The following CACNG8 variants were observed in gnomAD, a reference collection of about 807,000 sequenced individuals.
CACNG8 encodes calcium voltage-gated channel auxiliary subunit gamma 8.
A neutral mutation model predicts 26.9 loss-of-function variants in CACNG8; 5 were observed. The ratio of observed to expected loss-of-function variants is 0.19; its 90% CI spans 0.10 to 0.39. The LOEUF is 0.39. Among genes scored for constraint, CACNG8 ranks in the 10% least tolerant of loss-of-function variants. The pLI is 1.00. For synonymous variants in CACNG8, 321 were observed against 296.7 expected (o/e 1.08, Z -0.84); for missense variants, 473 against 609.4 (o/e 0.78, Z 2.36).
rs2069342039 is a variant in CACNG8, at chr19:53,978,278, C to T, written c.367+49C>T. 2.0e-6 allele frequency: 3 copies of T among 1,493,986 alleles called. No homozygotes were observed. The South Asian group carries it at 3.5e-5, about 17-fold the overall frequency. The allele number at this position is 1,493,986 out of a possible 1,614,324, so 92.5% of individuals were successfully genotyped here. On this transcript the variant is annotated intron_variant, in intron 2 of 3. Coordinates refer to ENST00000270458, the MANE Select transcript of CACNG8 (RefSeq NM_031895.6). ...GTGGGGAGTGGGTCAAATCGCGGGG[C>T]CTGGAAGGCGTCGGGGTGGGTGCCG...
Position 53,988,017 on chromosome 19 carries a change from C to T in CACNG8, c.*5168C>T, listed in dbSNP as rs778592481. Reference sequence around the variant, plus strand: ...GAGTGATCTCGAGGTAGGCTGAAACCAGGAGGGTTACAGAGGGCAAATGCA... The same window carrying T: ...GAGTGATCTCGAGGTAGGCTGAAACTAGGAGGGTTACAGAGGGCAAATGCA... On this transcript the variant is annotated 3_prime_UTR_variant, in exon 4 of 4. Coordinates refer to ENST00000270458, the MANE Select transcript of CACNG8 (RefSeq NM_031895.6). 2 of 151,200 alleles carry T rather than the reference C, an allele frequency of 1.3e-5. No individual in the cohort carries two copies. The highest frequency in any genetic ancestry group is 2.4e-5 in the African/African-American group (1 of 41,008). 9.4% of individuals were successfully genotyped at this position (151,200 alleles called of 1,614,324 possible). A position where few individuals can be genotyped will look rare whatever the true frequency, so the allele number is the denominator to read the frequency against.
intron 2 of CACNG8, 80 bp from the exon 3 acceptor site, chr19:53,979,785 TGG>T (rs1167443426): frequency 1.6e-5 from 23 of 1,439,386 alleles, no homozygotes; most frequent in Non-Finnish European, 1.0e-5. Flanking sequence ...CGCCGCGAGA[TGG>T]GGGGCCGGGA....
chr19:53,964,937 T>A (rs138124124), intron 1 of CACNG8, among the ~76,000 whole-genome samples: 241 of 152,294 alleles, frequency 1.6e-3, no homozygotes, highest in Middle Eastern at 0.014. Context: ...CTTGCTTCTC[T>A]TTTTCATCCC....
Position 53,988,121 on chromosome 19 carries a change from G to C in CACNG8, c.*5272G>C, listed in dbSNP as rs2069418588. ...GACTTGGACAAGGATGCAGAGAGCAGAGTGACCATTAGGTCTGATGACATG... is the reference window on the plus strand; with the variant it reads ...GACTTGGACAAGGATGCAGAGAGCACAGTGACCATTAGGTCTGATGACATG... On this transcript the variant is annotated 3_prime_UTR_variant, in exon 4 of 4. Transcript: ENST00000270458. 6.6e-6 allele frequency: 1 copy of C among 152,566 alleles called. No individual in the cohort carries two copies. The highest frequency in any genetic ancestry group is 6.5e-5 in the Admixed American group (1 of 15,270). The allele number at this position is 152,566 out of a possible 1,614,324, so 9.5% of individuals were successfully genotyped here.
chr19:53,982,731 C>A lies in CACNG8; in HGVS notation c.1160C>A (p.Pro387Gln), dbSNP rs911268255. The A allele has an allele frequency of 2.9e-5, 34 of 1,185,042 alleles. No individual in the cohort carries two copies. In the African/African-American group the frequency reaches 5.3e-4, roughly 19 times the overall value. 73.4% of individuals were successfully genotyped at this position (1,185,042 alleles called of 1,614,324 possible). ...GGCGTCACGGTCACGGTCACCGGGC[C>A]GCCCGCCCCGCCCGCGCCCGCGCCA... Residue 387 changes from proline to glutamine, a missense_variant, in exon 4 of 4, where the codon CCG becomes CAG. Pro to Gln is a moderately conservative substitution (Grantham distance 76, BLOSUM62 -1). Coordinates refer to ENST00000270458, the MANE Select transcript of CACNG8 (RefSeq NM_031895.6). This position sits in a 1 kb window ranked among gnomAD's most constrained non-coding sequence, Gnocchi z 8.4.
chr19:53,974,371 G>C (rs1451658899), intron 1 of CACNG8, among the ~76,000 whole-genome samples: 1 of 152,178 alleles, frequency 6.6e-6, no homozygotes, highest in East Asian at 1.9e-4. Context: ...ACGGGCACTG[G>C]GGTGTTTCCG....
intron 1 of CACNG8, 34 bp from the exon 2 acceptor site, chr19:53,978,112 T>A: frequency 2.7e-6 from 4 of 1,468,720 alleles, no homozygotes; most frequent in Non-Finnish European, 3.8e-6. Context: ...CCCTGAAGTA[T>A]CCGCCCCCAC....
At position 53,982,290 on chromosome 19, in the gene CACNG8, C is replaced by G; in HGVS notation, c.719C>G (p.Ser240Trp). The G allele has an allele frequency of 6.2e-7, 1 of 1,609,890 alleles. No individual in the cohort carries two copies. The highest frequency in any genetic ancestry group is 8.5e-7 in the Non-Finnish European group (1 of 1,178,676). The change falls in exon 4 of 4, where the codon TCG (serine) becomes TGG (tryptophan). Residue 240 changes from serine (S) to tryptophan (W), a missense_variant. By Grantham distance (177) the Ser-to-Trp change is radical. Coordinates refer to ENST00000270458, the MANE Select transcript of CACNG8 (RefSeq NM_031895.6). This position sits in a 1 kb window ranked among gnomAD's most constrained non-coding sequence, Gnocchi z 8.4. ...CGCGAGGCGCACTGCCAGTCTCGCT[C>G]GGACCTGCTCAAGGCCGGCGGGGGC...
chr19:53,978,291 G>C, intron 2 of CACNG8, 62 bp downstream of exon 2: 1 of 1,382,172 alleles, frequency 7.2e-7, no homozygotes. Flanking sequence ...GGAAGGCGTC[G>C]GGGTGGGTGC....
Position 53,981,599 on chromosome 19 carries a change from G to T in CACNG8, c.509-481G>T, listed in dbSNP as rs143065424. Among the ~76,000 whole-genome samples the T allele has an allele frequency of 2.3e-3, 344 of 149,790 alleles. 1 individual carries two copies. Among genetic ancestry groups the T allele is most frequent in the African/African-American group, 7.9e-3 (323 of 40,648 alleles). The stretch of plus-strand genomic sequence containing the variant: ...GAGGTGGGCCGTGGGCTATCTGGGG[G>T]CAGGACCTGGACCATCCAGGGCCGT... On this transcript the variant is annotated intron_variant, in intron 3 of 3. Transcript: ENST00000270458.
chr19:53,970,608 G>T (rs112448268), intron 1 of CACNG8, among the ~76,000 whole-genome samples: 8,733 of 151,276 alleles, frequency 0.058, 253 homozygotes, highest in South Asian at 0.064. Flanking sequence ...CTGGGCAACA[G>T]AGTGAGATTC....
Position 53,982,899 on chromosome 19 carries a change from C to A in CACNG8, c.*50C>A. 8.4e-7 allele frequency: 1 copy of A among 1,186,340 alleles called. No individual in the cohort carries two copies. Among genetic ancestry groups the A allele is most frequent in the Non-Finnish European group, 1.0e-6 (1 of 953,282 alleles). 73.5% of individuals were successfully genotyped at this position (1,186,340 alleles called of 1,614,324 possible). A position where few individuals can be genotyped will look rare whatever the true frequency, so the allele number is the denominator to read the frequency against. The stretch of plus-strand genomic sequence containing the variant: ...CGTGTCCGGGGCGCGTGCGCGGGCG[C>A]GCGTGCATCGAGGCTGCCGGGGTCG... On this transcript the variant is annotated 3_prime_UTR_variant, in exon 4 of 4. Coordinates refer to ENST00000270458, the MANE Select transcript of CACNG8 (RefSeq NM_031895.6). This position sits in a 1 kb window ranked among gnomAD's most constrained non-coding sequence, Gnocchi z 8.4.
rs896690702 is a variant in CACNG8, at chr19:53,980,066, G to A, written c.508+59G>A. The A allele has an allele frequency of 5.9e-6, 8 of 1,360,788 alleles. No homozygotes were observed. The African/African-American group carries it at 9.4e-5, about 16-fold the overall frequency. 84.3% of individuals were successfully genotyped at this position (1,360,788 alleles called of 1,614,324 possible). A position where few individuals can be genotyped will look rare whatever the true frequency, so the allele number is the denominator to read the frequency against. ...CCCACCTGGGCGCGCACGTGTGTGT[G>A]TGTGTGTGTGTGTGTGTGTGCGCGC... On this transcript the variant is annotated intron_variant, in intron 3 of 3. Coordinates refer to ENST00000270458, the MANE Select transcript of CACNG8 (RefSeq NM_031895.6).
intron 3 of CACNG8, 68 bp downstream of exon 3, chr19:53,980,075 T>A: frequency 1.4e-6 from 2 of 1,439,168 alleles, no homozygotes; most frequent in Non-Finnish European, 1.8e-6. Flanking sequence ...TGTGTGTGTG[T>A]GTGTGTGTGT....
intron 3 of CACNG8, among the ~76,000 whole-genome samples, chr19:53,980,900 T>C (rs2069362713): frequency 1.3e-5 from 2 of 152,020 alleles, no homozygotes; most frequent in Admixed American, 6.6e-5. Context: ...CTTTGCATAT[T>C]TGAAGAGCAG....
chr19:53,966,578 GAC>G (rs1030332020), intron 1 of CACNG8, among the ~76,000 whole-genome samples: 3 of 151,764 alleles, frequency 2.0e-5, no homozygotes, highest in Admixed American at 6.6e-5. Flanking sequence ...ATTTTTTGTA[GAC>G]ACAGGGTCTC....
chr19:53,981,102 CA>C (rs1013874483), intron 3 of CACNG8, among the ~76,000 whole-genome samples: 16 of 151,942 alleles, frequency 1.1e-4, no homozygotes, highest in African/African-American at 3.1e-4. Context: ...TTATTAAAGG[CA>C]AATTTTTGAC....
intron 3 of CACNG8, among the ~76,000 whole-genome samples, chr19:53,981,562 G>A (rs1245347721): frequency 3.3e-5 from 5 of 151,144 alleles, no homozygotes; most frequent in African/African-American, 1.2e-4. Flanking sequence ...CCAGGGCTGG[G>A]TTAGACCGGC....
chr19:53,974,549 C>G (rs2069319898), intron 1 of CACNG8, among the ~76,000 whole-genome samples: 1 of 152,196 alleles, frequency 6.6e-6, no homozygotes, highest in Non-Finnish European at 1.5e-5. Flanking sequence ...CCCATAGCCA[C>G]TGCACCATTT....
Sources: gnomAD v4.1 joint callset for allele counts (sites outside exome capture counted in the v4.1 genomes callset) on GRCh38, gnomAD v4.1.1 for gene constraint, Gnocchi (gnomAD v3.1) non-coding constraint, MANE v1.5 for transcripts, NCBI Gene and HGNC (gene_info 2026-07-23, HGNC 2026-07-21) for gene names.